The following STT3B variants were observed in gnomAD, a reference collection of about 807,000 sequenced individuals.
The protein encoded by STT3B is STT3 oligosaccharyltransferase complex catalytic subunit B, also known as dolichyl-diphosphooligosaccharide--protein glycosyltransferase subunit STT3B.
A neutral mutation model predicts 96.8 loss-of-function variants in STT3B; 29 were observed. The observed-to-expected ratio is 0.30, with a 90% confidence interval of 0.22 to 0.41. The LOEUF (loss-of-function observed/expected upper bound fraction) is 0.41. Among genes scored for constraint, STT3B ranks in the 10% least tolerant of loss-of-function variants. The probability of loss-of-function intolerance (pLI) is 1.00; values close to 1 mark genes in which losing one functional copy is unlikely to be tolerated. For missense variants in STT3B, 640 were observed against 1,022.3 expected (o/e 0.63, Z 5.10); for synonymous variants, 367 against 360.0 (o/e 1.02, Z -0.22).
At chr3:31,586,619 CAT>C (rs531959822) in intron 3 of STT3B, among the ~76,000 whole-genome samples, 80 of 152,184 alleles carry the variant, frequency 5.3e-4, no homozygotes, top group African/African-American at 1.9e-3. Context: ...TTTCCAACAT[CAT>C]GTGTTGAAAA....
At chr3:31,582,045 G>A (rs991153559) in intron 3 of STT3B, among the ~76,000 whole-genome samples, 2 of 152,122 alleles carry the variant, frequency 1.3e-5, no homozygotes, top group Middle Eastern at 3.4e-3. Context: ...GTAATGTCCC[G>A]CTTTCTGATT....
chr3:31,580,199 G>A lies in STT3B; in HGVS notation c.711+103G>A, dbSNP rs190297150. The A allele has an allele frequency of 2.8e-5, 31 of 1,111,150 alleles. No homozygotes were observed. In the East Asian group the frequency reaches 3.1e-4, roughly 11 times the overall value. The allele number at this position is 1,111,150 out of a possible 1,614,324, so 68.8% of individuals were successfully genotyped here. A position where few individuals can be genotyped will look rare whatever the true frequency, so the allele number is the denominator to read the frequency against. ...TGTCTTTTACAAATTATGTAGTTGCGTACAGAGATCTGTATTACTGTTCAT... is the reference window on the plus strand; with the variant it reads ...TGTCTTTTACAAATTATGTAGTTGCATACAGAGATCTGTATTACTGTTCAT... On this transcript the variant is annotated intron_variant, in intron 3 of 15. Transcript: ENST00000295770.
chr3:31,568,710 C>G (rs1698069416), intron 1 of STT3B, among the ~76,000 whole-genome samples: 1 of 152,086 alleles, frequency 6.6e-6, no homozygotes, highest in Admixed American at 6.5e-5. Flanking sequence ...TGCTTCAGGA[C>G]ATAATCATGA....
intron 2 of STT3B, among the ~76,000 whole-genome samples, chr3:31,577,705 G>A (rs1341332969): frequency 6.6e-6 from 1 of 152,074 alleles, no homozygotes; most frequent in African/African-American, 2.4e-5. Flanking sequence ...GATGTAAATA[G>A]AGAGAAAGAC....
chr3:31,570,753 G>A (rs1049404988), intron 1 of STT3B, among the ~76,000 whole-genome samples: 5 of 152,084 alleles, frequency 3.3e-5, no homozygotes, highest in Admixed American at 6.5e-5. Context: ...TGAATACAAC[G>A]AAAATGGAAG....
At chr3:31,549,880 T>G (rs1379188206) in intron 1 of STT3B, among the ~76,000 whole-genome samples, 2 of 152,192 alleles carry the variant, frequency 1.3e-5, no homozygotes, top group Non-Finnish European at 2.9e-5. Context: ...CTGCCTACAT[T>G]ATTTAGATTT....
chr3:31,563,517 A>G (rs1559366960), intron 1 of STT3B, among the ~76,000 whole-genome samples: 1 of 152,220 alleles, frequency 6.6e-6, no homozygotes, highest in Non-Finnish European at 1.5e-5. Flanking sequence ...TATGCTAACT[A>G]GTGTTTGATG....
intron 5 of STT3B, among the ~76,000 whole-genome samples, chr3:31,609,031 C>T (rs1360145921): frequency 6.6e-6 from 1 of 152,160 alleles, no homozygotes; most frequent in Non-Finnish European, 1.5e-5. Flanking sequence ...AGGAGAGTTG[C>T]TTGAACCTGG....
chr3:31,632,673 T>G (rs373655266), intron 14 of STT3B, among the ~76,000 whole-genome samples: 13,606 of 145,634 alleles, frequency 0.093, 654 homozygotes, highest in South Asian at 0.12. Context: ...TGGTGGGTTT[T>G]TTTTTTTTTT....
intron 5 of STT3B, among the ~76,000 whole-genome samples, chr3:31,604,010 G>T (rs560373463): frequency 2.6e-5 from 4 of 151,990 alleles, no homozygotes; most frequent in Non-Finnish European, 5.9e-5. Context: ...TACCTCAAGG[G>T]CTGCATTAAC....
chr3:31,616,706 G>A (rs748084624), intron 6 of STT3B, among the ~76,000 whole-genome samples: 2 of 150,904 alleles, frequency 1.3e-5, no homozygotes, highest in Non-Finnish European at 3.0e-5. Flanking sequence ...TCTGGTACAT[G>A]TGTAAGGAGT....
chr3:31,560,746 G>A (rs1370158754), intron 1 of STT3B, among the ~76,000 whole-genome samples: 1 of 151,984 alleles, frequency 6.6e-6, no homozygotes, highest in African/African-American at 2.4e-5. Context: ...ATTTTGCATT[G>A]TATCTGTTTG....
chr3:31,604,515 ACTG>A (rs1252022667), intron 5 of STT3B, among the ~76,000 whole-genome samples: 1 of 152,180 alleles, frequency 6.6e-6, no homozygotes, highest in Admixed American at 6.6e-5. Context: ...CTACCATACT[ACTG>A]AGGAAATTAA....
chr3:31,584,052 G>C (rs1473913478), intron 3 of STT3B, among the ~76,000 whole-genome samples: 1 of 152,282 alleles, frequency 6.6e-6, no homozygotes. Flanking sequence ...TATATGTCAA[G>C]TTCCTCCACT....
intron 3 of STT3B, among the ~76,000 whole-genome samples, chr3:31,581,370 T>A (rs1274026468): frequency 6.6e-6 from 1 of 152,194 alleles, no homozygotes; most frequent in Non-Finnish European, 1.5e-5. Flanking sequence ...TTCATAACTA[T>A]TTTAATATTC....
intron 1 of STT3B, among the ~76,000 whole-genome samples, chr3:31,571,598 C>T (rs1305152398): frequency 6.6e-6 from 1 of 152,068 alleles, no homozygotes. Flanking sequence ...CATAGATTGT[C>T]TGTTACCTGT....
At chr3:31,631,933 G>C (rs1052990545) in intron 14 of STT3B, among the ~76,000 whole-genome samples, 1 of 151,772 alleles carries the variant, frequency 6.6e-6, no homozygotes, top group African/African-American at 2.4e-5. Context: ...ATGGTTCACT[G>C]CAGTGTTGAC....
intron 14 of STT3B, among the ~76,000 whole-genome samples, chr3:31,631,691 A>G (rs1318523073): frequency 6.6e-6 from 1 of 152,130 alleles, no homozygotes; most frequent in Non-Finnish European, 1.5e-5. Flanking sequence ...TCACACCTGT[A>G]ATCCCAGAAC....
At chr3:31,611,372 A>C (rs573525610) in intron 5 of STT3B, among the ~76,000 whole-genome samples, 9 of 152,338 alleles carry the variant, frequency 5.9e-5, no homozygotes, top group African/African-American at 2.2e-4. Context: ...TGTTTTTAGA[A>C]TATATTGACC....
Sources: gnomAD v4.1 joint callset for allele counts (sites outside exome capture counted in the v4.1 genomes callset) on GRCh38, gnomAD v4.1.1 for gene constraint, MANE v1.5 for transcripts, NCBI Gene and HGNC (gene_info 2026-07-23, HGNC 2026-07-21) for gene names.